The following ATP6V0A4 variants were observed in gnomAD, a reference collection of about 807,000 sequenced individuals.
ATP6V0A4 encodes V-type proton ATPase 116 kDa subunit a 4.
In ATP6V0A4, 86 loss-of-function variants were observed where a neutral mutation model predicts 107.3. The observed-to-expected ratio is 0.80, with a 90% CI of 0.67 to 0.96. The LOEUF (loss-of-function observed/expected upper bound fraction) is 0.96. ATP6V0A4 is among the 40% of genes least tolerant of loss of function. ATP6V0A4 has a pLI of 0.00. For synonymous variants in ATP6V0A4, 353 were observed against 381.4 expected, an observed-to-expected ratio of 0.93 and a Z score of 0.87; for missense variants, 908 against 1,045.6, an observed-to-expected ratio of 0.87 and a Z score of 1.81.
In ATP6V0A4 at chr7:138,798,121, C is replaced by T; in HGVS notation, c.-208G>A. ...GCCTCCAGCATGCAGCGCCTCCCCG[C>T]TGCCACCCGGGCCACCCTGATCCTC... is the stretch of plus-strand genomic sequence containing the variant. On this transcript the variant is annotated 5_prime_UTR_variant, in exon 1 of 22. Transcript: ENST00000310018. 1 of 1,600,652 alleles carries T rather than the reference C, an allele frequency of 6.2e-7. No homozygotes were observed. Among genetic ancestry groups the T allele is most frequent in the Non-Finnish European group, 8.5e-7 (1 of 1,174,262 alleles).
At chr7:138,771,443 CTGGGCT>C (rs1563013887) in intron 2 of ATP6V0A4, 179 bp from the exon 3 acceptor site, 1 of 288,102 alleles carries the variant, frequency 3.5e-6, no homozygotes, top group Non-Finnish European at 5.1e-6. Context: ...ACTCTGTTGC[CTGGGCT>C]CGAATGCAGT....
chr7:138,732,920 A>T lies in ATP6V0A4; in HGVS notation c.1865T>A (p.Phe622Tyr). 4 of 1,613,790 alleles carry T rather than the reference A, an allele frequency of 2.5e-6. No individual in the cohort carries two copies. The highest frequency in any genetic ancestry group is 3.4e-6 in the Non-Finnish European group (4 of 1,179,772). Residue 622 changes from phenylalanine to tyrosine, a missense_variant, in exon 17 of 22, where the codon TTT (phenylalanine) becomes TAT (tyrosine). Transcript: ENST00000310018. ...TGCGTTGGAAGAGTCACTGTAGTTA[A>T]ACAGAAACATGTTGATGAAGTGGAT... ...ILIHFINMFL[F>Y]NYSDSSNAPL...
intron 5 of ATP6V0A4, 82 bp from the exon 6 acceptor site, chr7:138,763,107 A>G: frequency 6.4e-7 from 1 of 1,570,672 alleles, no homozygotes; most frequent in Non-Finnish European, 8.6e-7. Context: ...CAGATGACTA[A>G]AAAAAATCAA....
At chr7:138,792,102 A>T (rs1272104581) in intron 1 of ATP6V0A4, among the ~76,000 whole-genome samples, 1 of 152,216 alleles carries the variant, frequency 6.6e-6, no homozygotes, top group South Asian at 2.1e-4. Flanking sequence ...AGGTCAGGAG[A>T]TCGAGACCAT....
intron 5 of ATP6V0A4, among the ~76,000 whole-genome samples, chr7:138,763,885 G>A (rs906175388): frequency 6.6e-6 from 1 of 150,970 alleles, no homozygotes; most frequent in African/African-American, 2.4e-5. Context: ...GCTTGAATCC[G>A]GGAGGCAGAG....
At chr7:138,726,784 G>A (rs560044299) in intron 18 of ATP6V0A4, among the ~76,000 whole-genome samples, 46 of 152,218 alleles carry the variant, frequency 3.0e-4, no homozygotes, top group Non-Finnish European at 5.4e-4. Context: ...CCTCCACGCC[G>A]TCTTCAGGAG....
At chr7:138,757,915 G>A (rs913264799) in intron 8 of ATP6V0A4, among the ~76,000 whole-genome samples, 2 of 152,100 alleles carry the variant, frequency 1.3e-5, no homozygotes, top group African/African-American at 2.4e-5. Flanking sequence ...AGCAAGTGGC[G>A]GTGTTTTAGG....
At chr7:138,763,973 A>ATAT (rs1175039817) in intron 5 of ATP6V0A4, among the ~76,000 whole-genome samples, 1 of 143,324 alleles carries the variant, frequency 7.0e-6, no homozygotes, top group Non-Finnish European at 1.5e-5. Flanking sequence ...TCTCAAAAAA[A>ATAT]AAATATATAT....
intron 7 of ATP6V0A4, 62 bp from the exon 8 acceptor site, chr7:138,759,940 C>T: frequency 1.2e-6 from 2 of 1,611,790 alleles, no homozygotes; most frequent in Non-Finnish European, 1.7e-6. Flanking sequence ...GAGAGAAGGC[C>T]CTGTAGGACG....
In ATP6V0A4 at chr7:138,718,227, T is replaced by C. The variant is rs1483787936; in HGVS notation, c.2140-2346A>G. On this transcript the variant is annotated intron_variant, in intron 19 of 21. Transcript: ENST00000310018. ...GTGTGTGTGTGTGTGTGTGTGTGTG[T>C]GTGCGCGCAGTTATGGATGTCTGCG... Among the ~76,000 whole-genome samples the C allele has an allele frequency of 6.6e-4, 22 of 33,542 alleles. 3 individuals are homozygous for C. Among genetic ancestry groups the C allele is most frequent in the Admixed American group, 4.9e-3 (12 of 2,440 alleles). 22.0% of individuals were successfully genotyped at this position (33,542 alleles called of 152,430 possible). A position where few individuals can be genotyped will look rare whatever the true frequency, so the allele number is the denominator to read the frequency against.
At chr7:138,784,128 G>T (rs1207450081) in intron 2 of ATP6V0A4, among the ~76,000 whole-genome samples, 1 of 150,974 alleles carries the variant, frequency 6.6e-6, no homozygotes, top group Non-Finnish European at 1.5e-5. Flanking sequence ...CTTGCCCAAA[G>T]CCAGATAATA....
intron 5 of ATP6V0A4, among the ~76,000 whole-genome samples, chr7:138,766,862 G>T (rs1196158798): frequency 6.6e-6 from 1 of 152,184 alleles, no homozygotes; most frequent in Non-Finnish European, 1.5e-5. Flanking sequence ...TGCTGGTCAA[G>T]TTTCAGTGTA....
chr7:138,715,570 A>G (rs1437932796), intron 20 of ATP6V0A4, among the ~76,000 whole-genome samples, 194 bp downstream of exon 20: 1 of 152,180 alleles, frequency 6.6e-6, no homozygotes, highest in Non-Finnish European at 1.5e-5. Context: ...GACTATTAAT[A>G]TAGAGGGTGA....
At chr7:138,736,377 A>C (rs1805323622) in intron 15 of ATP6V0A4, among the ~76,000 whole-genome samples, 1 of 152,194 alleles carries the variant, frequency 6.6e-6, no homozygotes, top group Non-Finnish European at 1.5e-5. Flanking sequence ...TTCTCATTTT[A>C]CAGATAAGGT....
intron 19 of ATP6V0A4, among the ~76,000 whole-genome samples, chr7:138,718,765 G>A (rs58126305): frequency 0.29 from 39,016 of 133,928 alleles, 6,725 homozygotes; most frequent in East Asian, 0.33. Flanking sequence ...AGGTTATGGG[G>A]ACAAGATAAA....
chr7:138,710,098 T>G (rs1803663222), intron 20 of ATP6V0A4, among the ~76,000 whole-genome samples: 1 of 152,038 alleles, frequency 6.6e-6, no homozygotes. Flanking sequence ...CAATTATGGC[T>G]CATTGCAGCC....
chr7:138,728,783 C>CT lies in ATP6V0A4; in HGVS notation c.1987dup (p.Arg663LysfsTer20), dbSNP rs1252623454. ...TACCTGGGATTTCCGATGACTGGCT[C>CT]TAAGAATAAACGGCTTAATCAGAAG... is the stretch of plus-strand genomic sequence containing the variant. On this transcript the variant is annotated frameshift_variant, in exon 18 of 22. Transcript: ENST00000310018. LOFTEE classifies it high-confidence loss of function. The CT allele has an allele frequency of 3.1e-6, 5 of 1,614,038 alleles. No individual in the cohort carries two copies. Among genetic ancestry groups the CT allele is most frequent in the African/African-American group, 1.3e-5 (1 of 74,902 alleles).
At chr7:138,797,095 C>T (rs1808707547) in intron 1 of ATP6V0A4, among the ~76,000 whole-genome samples, 1 of 152,162 alleles carries the variant, frequency 6.6e-6, no homozygotes, top group South Asian at 2.1e-4. Flanking sequence ...CCCTCTGACA[C>T]TTCCTTACCT....
At chr7:138,785,604 G>T (rs546071962) in intron 2 of ATP6V0A4, among the ~76,000 whole-genome samples, 1 of 152,078 alleles carries the variant, frequency 6.6e-6, no homozygotes, top group Non-Finnish European at 1.5e-5. Context: ...TTCACTGTTG[G>T]CCAGGCACTG....
Sources: allele counts gnomAD v4.1 joint callset (sites outside exome capture counted in the v4.1 genomes callset), GRCh38; gene constraint gnomAD v4.1.1; transcripts MANE v1.5; gene names NCBI Gene and HGNC (gene_info 2026-07-23, HGNC 2026-07-21).